The following CD8B variants were observed in gnomAD, a reference collection of about 807,000 sequenced individuals.
The protein encoded by CD8B is CD8 subunit beta.
A neutral mutation model predicts 24.2 loss-of-function variants in CD8B; 6 were observed. The observed-to-expected ratio is 0.25, with a 90% confidence interval of 0.14 to 0.49. The LOEUF (loss-of-function observed/expected upper bound fraction) is 0.49, where lower values mean the gene tolerates loss of function less well. CD8B is among the 20% of genes least tolerant of loss of function. The pLI is 0.98. For synonymous variants in CD8B, 84 were observed against 108.3 expected (o/e 0.78, Z 1.39); for missense variants, 196 against 271.3 (o/e 0.72, Z 1.95).
downstream of CD8B, among the ~76,000 whole-genome samples, chr2:86,835,813 G>A (rs1194842771): frequency 6.8e-6 from 1 of 148,130 alleles, no homozygotes; most frequent in East Asian, 2.0e-4. Context: ...CTCTGCTTGT[G>A]TTGGTATCAC....
At chr2:86,861,093 T>C (rs561585673) in intron 1 of CD8B, among the ~76,000 whole-genome samples, 27 of 152,204 alleles carry the variant, frequency 1.8e-4, no homozygotes, top group Non-Finnish European at 2.6e-4. Flanking sequence ...GCAGGCCTTG[T>C]CACCCCCTGG....
In CD8B at chr2:86,838,167, T is replaced by C. The variant is rs1396662638; in HGVS notation, c.*4140A>G. On this transcript the variant is annotated 3_prime_UTR_variant, in exon 6 of 6. Coordinates refer to ENST00000390655, the MANE Select transcript of CD8B (RefSeq NM_004931.5). ...TTATTATAACAATGGCCAGAGGTTC[T>C]TTTTTTCCAAACTTTTAATTGCTTT... Among the ~76,000 whole-genome samples the C allele has an allele frequency of 1.3e-5, 2 of 152,228 alleles. No individual in the cohort carries two copies. The highest frequency in any genetic ancestry group is 1.3e-4 in the Admixed American group (2 of 15,282).
chr2:86,842,330 C>G lies in CD8B; in HGVS notation c.621-11G>C, dbSNP rs553587254. 8 of 1,561,948 alleles carry G rather than the reference C, an allele frequency of 5.1e-6. No individual in the cohort carries two copies. The South Asian group carries it at 6.0e-5, about 12-fold the overall frequency. On this transcript the variant is annotated splice_polypyrimidine_tract_variant and intron_variant, in intron 5 of 5. Coordinates refer to ENST00000390655, the MANE Select transcript of CD8B (RefSeq NM_004931.5). ...GCTCATTTGTAAAATCTGAAAACAA[C>G]AGCAAGTTGTGAAACCACTTATTTT...
intron 3 of CD8B, among the ~76,000 whole-genome samples, chr2:86,850,062 C>T (rs943676645): frequency 4.6e-5 from 7 of 152,058 alleles, no homozygotes; most frequent in African/African-American, 7.2e-5. Context: ...ATGTACAGGG[C>T]GGCACGGCTC....
In CD8B at chr2:86,822,274, A is replaced by T. The variant is rs185150031; in HGVS notation, c.621-6556T>A. 3,607 of 1,105,768 alleles carry T rather than the reference A, an allele frequency of 3.3e-3. 18 individuals are homozygous for T. Among genetic ancestry groups the T allele is most frequent in the Non-Finnish European group, 3.7e-3 (2,774 of 743,194 alleles). 68.5% of individuals were successfully genotyped at this position (1,105,768 alleles called of 1,614,324 possible). On this transcript the variant is annotated intron_variant, in intron 5 of 5. Coordinates refer to the CD8B transcript ENST00000331469. ...ATGATATCTGTTTCAGGTAAGAGTC[A>T]TGATGACCTCAGAAAGCAATATCAG...
chr2:86,847,576 C>A (rs894761160), intron 3 of CD8B, among the ~76,000 whole-genome samples: 9 of 152,098 alleles, frequency 5.9e-5, no homozygotes, highest in Non-Finnish European at 1.3e-4. Flanking sequence ...CACAGAGTCT[C>A]GCTCTGTCAC....
Position 86,846,925 on chromosome 2 carries a change from G to GTCTTTTTTTTTTTT in CD8B, c.494-153_494-152insAAAAAAAAAAAAGA, listed in dbSNP as rs1285464744. ...TTCGATGTAATGTATTTTTCCTCAA[G>GTCTTTTTTTTTTTT]TATTTTTTTTTTTTTTTTTTTTTTT... On this transcript the variant is annotated intron_variant, in intron 3 of 5. Transcript: ENST00000390655. The GTCTTTTTTTTTTTT allele has an allele frequency of 5.7e-5, 10 of 176,724 alleles. 3 individuals carry two copies. The highest frequency in any genetic ancestry group is 1.8e-4 in the Admixed American group (2 of 11,346). The allele number at this position is 176,724 out of a possible 1,614,324, so 10.9% of individuals were successfully genotyped here. A position where few individuals can be genotyped will look rare whatever the true frequency, so the allele number is the denominator to read the frequency against.
In CD8B at chr2:86,842,146, C is replaced by T. The variant is rs916680195; in HGVS notation, c.*161G>A. On this transcript the variant is annotated 3_prime_UTR_variant, in exon 6 of 6. Coordinates refer to ENST00000390655, the MANE Select transcript of CD8B (RefSeq NM_004931.5). ...GACCCACGAACAAGTTGCTCCCATG[C>T]ACATCACACACAGAAAGGCCTTGCA... 7 of 1,475,822 alleles carry T rather than the reference C, an allele frequency of 4.7e-6. No individual in the cohort carries two copies. The highest frequency in any genetic ancestry group is 6.3e-6 in the Non-Finnish European group (7 of 1,114,172). The allele number at this position is 1,475,822 out of a possible 1,614,324, so 91.4% of individuals were successfully genotyped here.
intron 5 of CD8B, among the ~76,000 whole-genome samples, 153 bp from the exon 6 acceptor site, chr2:86,842,472 C>T (rs1314501434): frequency 2.0e-5 from 3 of 152,274 alleles, no homozygotes; most frequent in Admixed American, 2.0e-4. Flanking sequence ...TAGGGCCCAT[C>T]TTAGTCATTA....
chr2:86,849,258 A>C (rs1334128436), intron 3 of CD8B, among the ~76,000 whole-genome samples: 6 of 152,076 alleles, frequency 3.9e-5, no homozygotes, highest in African/African-American at 1.4e-4. Flanking sequence ...AGAGGGGAAC[A>C]AGCCAAGGCT....
downstream of CD8B, among the ~76,000 whole-genome samples, chr2:86,837,212 G>A (rs1675211400): frequency 6.6e-6 from 1 of 152,154 alleles, no homozygotes; most frequent in South Asian, 2.1e-4. Flanking sequence ...AAATTTAGAA[G>A]TCTAAGCAAA....
chr2:86,831,631 C>T (rs932024892), intron 5 of CD8B, among the ~76,000 whole-genome samples: 6 of 152,170 alleles, frequency 3.9e-5, no homozygotes, highest in Non-Finnish European at 7.3e-5. Flanking sequence ...CTGGGACCCA[C>T]AGATGGGGAA....
At chr2:86,859,529 G>A (rs1676462350) in intron 1 of CD8B, among the ~76,000 whole-genome samples, 1 of 152,194 alleles carries the variant, frequency 6.6e-6, no homozygotes, top group Non-Finnish European at 1.5e-5. Flanking sequence ...AAAGCACACT[G>A]TAAACTGTAT....
At chr2:86,832,471 C>T (rs1208888118) in intron 5 of CD8B, among the ~76,000 whole-genome samples, 2 of 138,566 alleles carry the variant, frequency 1.4e-5, no homozygotes, top group Non-Finnish European at 1.6e-5. Context: ...GAGTGAGACT[C>T]GATCTCAAAA....
chr2:86,854,751 G>A (rs1230509405), intron 2 of CD8B, among the ~76,000 whole-genome samples: 1 of 152,004 alleles, frequency 6.6e-6, no homozygotes, highest in Non-Finnish European at 1.5e-5. Context: ...CTCCAAAATG[G>A]TAGGAGAGGG....
At chr2:86,823,516 G>A (rs1674559422) in intron 5 of CD8B, among the ~76,000 whole-genome samples, 1 of 152,132 alleles carries the variant, frequency 6.6e-6, no homozygotes, top group Non-Finnish European at 1.5e-5. Flanking sequence ...CTAGGCCCAA[G>A]GGATCCTCCT....
At chr2:86,850,405 CCATGGGTTT>C (rs1248666809) in intron 3 of CD8B, among the ~76,000 whole-genome samples, 2 of 152,098 alleles carry the variant, frequency 1.3e-5, no homozygotes, top group African/African-American at 4.8e-5. Context: ...CTCAGTGACC[CCATGGGTTT>C]CATTCATGAT....
chr2:86,832,915 G>GTCTCC (rs1299082686), intron 5 of CD8B: 5,036 of 186,328 alleles, frequency 0.027, 606 homozygotes, highest in African/African-American at 0.15. Context: ...GTCAGCACTG[G>GTCTCC]TCTCCTCTCC....
chr2:86,835,176 G>A (rs1329721071), downstream of CD8B, among the ~76,000 whole-genome samples: 4 of 152,146 alleles, frequency 2.6e-5, no homozygotes, highest in African/African-American at 7.2e-5. Flanking sequence ...GCCACTGTGA[G>A]CCTTTCTTCT....
Sources: allele counts gnomAD v4.1 joint callset (sites outside exome capture counted in the v4.1 genomes callset), GRCh38; gene constraint gnomAD v4.1.1; transcripts MANE v1.5; gene names NCBI Gene and HGNC (gene_info 2026-07-23, HGNC 2026-07-21).